The following CADPS variants were observed in gnomAD, a reference collection of about 807,000 sequenced individuals.
CADPS encodes calcium dependent secretion activator, also known as calcium-dependent secretion activator 1.
Under a neutral mutation model 167.3 loss-of-function variants are expected in CADPS, and 57 were observed. That is an observed-to-expected ratio of 0.34 (90% confidence interval 0.28 to 0.42). CADPS has a LOEUF of 0.42. Among genes scored for constraint, CADPS ranks in the 20% least tolerant of loss-of-function variants. The pLI is 1.00. For missense variants in CADPS, 1,414 were observed against 1,738.1 expected, an observed-to-expected ratio of 0.81 and a Z score of 3.32; for synonymous variants, 676 against 635.3, an observed-to-expected ratio of 1.06 and a Z score of -0.96.
intron 1 of CADPS, among the ~76,000 whole-genome samples, chr3:62,831,624 T>A (rs2075107730): frequency 6.6e-6 from 1 of 152,230 alleles, no homozygotes; most frequent in African/African-American, 2.4e-5. Context: ...GTCACAGATG[T>A]AGCATTTTAG....
chr3:62,792,387 T>C (rs1345469098), intron 1 of CADPS, among the ~76,000 whole-genome samples: 1 of 151,850 alleles, frequency 6.6e-6, no homozygotes, highest in Non-Finnish European at 1.5e-5. Flanking sequence ...AATTATTTTG[T>C]AGAGACAGGG....
At chr3:62,770,615 G>C (rs899804256) in intron 1 of CADPS, among the ~76,000 whole-genome samples, 9 of 152,086 alleles carry the variant, frequency 5.9e-5, no homozygotes, top group Non-Finnish European at 1.3e-4. Context: ...TAGTAAAGAT[G>C]GGGTTTTGCC....
intron 3 of CADPS, among the ~76,000 whole-genome samples, chr3:62,666,528 G>A (rs887273708): frequency 6.6e-6 from 1 of 152,148 alleles, no homozygotes; most frequent in Non-Finnish European, 1.5e-5. Flanking sequence ...TTTCACGTTG[G>A]CAGATCATTA....
At chr3:62,815,596 A>G (rs1030522673) in intron 1 of CADPS, among the ~76,000 whole-genome samples, 1 of 152,136 alleles carries the variant, frequency 6.6e-6, no homozygotes, top group Admixed American at 6.6e-5. Context: ...AATCAGACAC[A>G]TGAGAAAGGC....
At chr3:62,813,684 T>A (rs1309149737) in intron 1 of CADPS, among the ~76,000 whole-genome samples, 2 of 151,950 alleles carry the variant, frequency 1.3e-5, no homozygotes, top group African/African-American at 4.8e-5. Flanking sequence ...CAGAATAAGA[T>A]AAGGTATTTG....
intron 1 of CADPS, among the ~76,000 whole-genome samples, chr3:62,794,359 T>A (rs546778818): frequency 6.6e-6 from 1 of 152,308 alleles, no homozygotes; most frequent in African/African-American, 2.4e-5. Context: ...TTTTGTATAT[T>A]CCCTAGTTAC....
chr3:62,555,485 A>C (rs959443995), intron 10 of CADPS, among the ~76,000 whole-genome samples: 1 of 152,212 alleles, frequency 6.6e-6, no homozygotes. Flanking sequence ...TTAGACCCGG[A>C]GTCCCAGCTC....
chr3:62,553,370 T>C (rs1450351868), intron 10 of CADPS, among the ~76,000 whole-genome samples: 1 of 152,240 alleles, frequency 6.6e-6, no homozygotes. Context: ...ATGATGTAAG[T>C]ACTATTATTC....
At chr3:62,699,929 C>A (rs1399673399) in intron 3 of CADPS, among the ~76,000 whole-genome samples, 1 of 152,028 alleles carries the variant, frequency 6.6e-6, no homozygotes, top group African/African-American at 2.4e-5. Flanking sequence ...TGCTTTTGTG[C>A]TATAAAAGCA....
intron 3 of CADPS, among the ~76,000 whole-genome samples, chr3:62,739,253 T>C: frequency 6.6e-6 from 1 of 152,180 alleles, no homozygotes; most frequent in Middle Eastern, 3.2e-3. Context: ...CAACTGAAGT[T>C]ATCCTAGATC....
intron 1 of CADPS, among the ~76,000 whole-genome samples, chr3:62,858,072 C>A (rs1427204053): frequency 1.3e-5 from 2 of 152,028 alleles, no homozygotes; most frequent in Non-Finnish European, 2.9e-5. Context: ...AGAAATACAG[C>A]AGGAGGTCAA....
chr3:62,532,754 T>A, intron 13 of CADPS, 117 bp downstream of exon 13: 1 of 720,138 alleles, frequency 1.4e-6, no homozygotes, highest in Non-Finnish European at 2.4e-6. Context: ...TGTGTGTACG[T>A]GTGCACATAC....
chr3:62,754,789 GTTA>G (rs1276421134), intron 2 of CADPS, among the ~76,000 whole-genome samples: 1 of 152,118 alleles, frequency 6.6e-6, no homozygotes. Flanking sequence ...ACTTGTTGCT[GTTA>G]TTATTATTAT....
At chr3:62,431,503 A>T (rs953745189) in intron 28 of CADPS, among the ~76,000 whole-genome samples, 1 of 152,012 alleles carries the variant, frequency 6.6e-6, no homozygotes, top group Non-Finnish European at 1.5e-5. Flanking sequence ...AATTATGTTT[A>T]AAAGAACTAC....
chr3:62,577,196 C>G (rs912121104), intron 8 of CADPS, among the ~76,000 whole-genome samples: 14 of 152,070 alleles, frequency 9.2e-5, no homozygotes, highest in African/African-American at 3.1e-4. Context: ...ATGCTTGTAA[C>G]TTTTCATTTG....
chr3:62,585,462 A>T, intron 7 of CADPS, 138 bp from the exon 8 acceptor site: 3 of 760,950 alleles, frequency 3.9e-6, no homozygotes. Flanking sequence ...ATAGAAACAC[A>T]TTCTTTTGAT....
intron 3 of CADPS, among the ~76,000 whole-genome samples, chr3:62,728,135 C>T (rs908281848): frequency 1.3e-5 from 2 of 151,768 alleles, no homozygotes; most frequent in African/African-American, 4.9e-5. Context: ...ATTTAGGCTG[C>T]TGCAAAAGTA....
intron 1 of CADPS, among the ~76,000 whole-genome samples, chr3:62,808,514 A>G (rs2094224919): frequency 6.6e-6 from 1 of 152,044 alleles, no homozygotes; most frequent in African/African-American, 2.4e-5. Context: ...CCTTAGTGGC[A>G]CCCAGCTGTA....
chr3:62,529,397 C>T (rs151161715), intron 13 of CADPS, among the ~76,000 whole-genome samples: 11 of 152,328 alleles, frequency 7.2e-5, no homozygotes, highest in Admixed American at 2.0e-4. Context: ...CTCTGCTCCA[C>T]TTGGATGTTG....
Sources: allele counts gnomAD v4.1 joint callset (sites outside exome capture counted in the v4.1 genomes callset), GRCh38; gene constraint gnomAD v4.1.1; transcripts MANE v1.5; gene names NCBI Gene and HGNC (gene_info 2026-07-23, HGNC 2026-07-21).